The following TNRC18 variants were observed in gnomAD, a reference collection of about 807,000 sequenced individuals.
TNRC18 encodes trinucleotide repeat-containing gene 18 protein.
A neutral mutation model predicts 226.7 loss-of-function variants in TNRC18; 69 were observed. The observed-to-expected ratio is 0.30, with a 90% CI of 0.25 to 0.37. The LOEUF (loss-of-function observed/expected upper bound fraction) is 0.37. Among genes scored for constraint, TNRC18 ranks in the 10% least tolerant of loss-of-function variants. The probability of loss-of-function intolerance (pLI) is 1.00; values close to 1 mark genes in which losing one functional copy is unlikely to be tolerated. For synonymous variants in TNRC18, 2,449 were observed against 1,927.6 expected, an observed-to-expected ratio of 1.27 and a Z score of -7.09; for missense variants, 4,754 against 4,256.6, an observed-to-expected ratio of 1.12 and a Z score of -3.25.
chr7:5,374,324 C>A lies in TNRC18; in HGVS notation c.2960G>T (p.Gly987Val). ...TGATGGTGGCGGGCTCACGGCCTTG[C>A]CGTAGGTGCCCGCGGGGCCGGCGGC... ...GLAAGPAGTY[G>V]KAVSPPPSPR... The change falls in exon 10 of 30, where the codon GGC (glycine) becomes GTC (valine). Residue 987 changes from glycine (G) to valine (V), a missense_variant. Gly to Val is a moderately radical substitution (Grantham distance 109). Coordinates refer to ENST00000430969, the MANE Select transcript of TNRC18 (RefSeq NM_001080495.3). 7.0e-7 allele frequency: 1 copy of A among 1,426,596 alleles called. No individual in the cohort carries two copies. The highest frequency in any genetic ancestry group is 9.1e-7 in the Non-Finnish European group (1 of 1,098,008). The allele number at this position is 1,426,596 out of a possible 1,614,324, so 88.4% of individuals were successfully genotyped here. A position where few individuals can be genotyped will look rare whatever the true frequency, so the allele number is the denominator to read the frequency against.
intron 10 of TNRC18, among the ~76,000 whole-genome samples, chr7:5,373,576 C>T (rs1794357648): frequency 6.6e-6 from 1 of 152,206 alleles, no homozygotes; most frequent in Non-Finnish European, 1.5e-5. Flanking sequence ...GCTCACACAC[C>T]TGATACCCCC....
In TNRC18 at chr7:5,374,213, G is replaced by A. The variant is rs1353973729; in HGVS notation, c.3071C>T (p.Pro1024Leu). ...GGTGGGGTGGGAGCTGGGGGTGGCG[G>A]GGTAGGCGTAGGCGGGTGGCTTGGA... is the stretch of plus-strand genomic sequence containing the variant. ...DVSKPPAYAYPATPSSHPTSP... is the reference protein window; with the variant it reads ...DVSKPPAYAYLATPSSHPTSP... Residue 1024 changes from proline (P) to leucine (L), a missense_variant, in exon 10 of 30, where the codon CCC becomes CTC. Coordinates refer to ENST00000430969, the MANE Select transcript of TNRC18 (RefSeq NM_001080495.3). 1 of 1,486,272 alleles carries A rather than the reference G, an allele frequency of 6.7e-7. No individual in the cohort carries two copies. Among genetic ancestry groups the A allele is most frequent in the South Asian group, 1.4e-5 (1 of 73,872 alleles). 92.1% of individuals were successfully genotyped at this position (1,486,272 alleles called of 1,614,324 possible).
rs1425038223 is a variant in TNRC18, at chr7:5,402,858, A to C, written c.188-8263T>G. Reference sequence around the variant, plus strand: ...GACAGAGTGAGACTCTGTCTCAAAAAAAAAAATATATTTATGGTGTGGAAT... The same window carrying C: ...GACAGAGTGAGACTCTGTCTCAAAACAAAAAATATATTTATGGTGTGGAAT... On this transcript the variant is annotated intron_variant, in intron 2 of 29. Coordinates refer to ENST00000430969, the MANE Select transcript of TNRC18 (RefSeq NM_001080495.3). 3.6e-5 allele frequency among the ~76,000 whole-genome samples: 5 copies of C among 139,608 alleles called. No individual in the cohort carries two copies. In the East Asian group the frequency reaches 9.7e-4, roughly 27 times the overall value. The allele number at this position is 139,608 out of a possible 152,430, so 91.6% of individuals were successfully genotyped here. A position where few individuals can be genotyped will look rare whatever the true frequency, so the allele number is the denominator to read the frequency against.
intron 11 of TNRC18, 84 bp downstream of exon 11, chr7:5,370,291 C>A: frequency 1.4e-6 from 2 of 1,446,812 alleles, no homozygotes; most frequent in South Asian, 2.8e-5. Context: ...CCACTGCACT[C>A]CAGCCTGGGC....
intron 5 of TNRC18, among the ~76,000 whole-genome samples, chr7:5,386,650 T>C (rs561820538): frequency 6.6e-6 from 1 of 151,516 alleles, no homozygotes; most frequent in Non-Finnish European, 1.5e-5. Flanking sequence ...CTTGGGAGGC[T>C]AAGGTTGGAG....
chr7:5,408,408 G>A (rs1781623206), intron 2 of TNRC18, among the ~76,000 whole-genome samples: 1 of 152,032 alleles, frequency 6.6e-6, no homozygotes, highest in East Asian at 1.9e-4. Flanking sequence ...AGCACTTAGG[G>A]AGCCCACGGC....
chr7:5,372,229 G>C (rs538658265), intron 10 of TNRC18, among the ~76,000 whole-genome samples: 4 of 150,896 alleles, frequency 2.7e-5, no homozygotes, highest in African/African-American at 9.9e-5. Context: ...CACCATGCCT[G>C]GCTAATTTTT....
At chr7:5,333,811 C>A (rs933974079) in intron 18 of TNRC18, among the ~76,000 whole-genome samples, 5 of 152,208 alleles carry the variant, frequency 3.3e-5, no homozygotes, top group African/African-American at 1.2e-4. Flanking sequence ...ACCCACCCCA[C>A]AACCCGGGAA....
rs530676688 is a variant in TNRC18, at chr7:5,401,499, T to C, written c.188-6904A>G. Among the ~76,000 whole-genome samples the C allele has an allele frequency of 3.9e-5, 6 of 152,280 alleles. No homozygotes were observed. In the East Asian group the frequency reaches 9.6e-4, roughly 24 times the overall value. ...ATTGCAACTTACCCTGCCACGCCCT[T>C]TCCTGAAATGTTTTTCTCCACTGCT... On this transcript the variant is annotated intron_variant, in intron 2 of 29. Transcript: ENST00000430969.
At position 5,389,287 on chromosome 7, in the gene TNRC18, G is replaced by A. The variant is rs1234925496; in HGVS notation, c.537C>T (p.His179=). 7.7e-7 allele frequency: 1 copy of A among 1,290,736 alleles called. No individual in the cohort carries two copies. The highest frequency in any genetic ancestry group is 4.0e-5 in the Admixed American group (1 of 25,010). 80.0% of individuals were successfully genotyped at this position (1,290,736 alleles called of 1,614,324 possible). The change falls in exon 5 of 30, where the codon CAC becomes CAT. Residue 179 remains histidine, a synonymous_variant. Coordinates refer to ENST00000430969, the MANE Select transcript of TNRC18 (RefSeq NM_001080495.3). ...TAGAPGSLHS[H]APSARTPGGG... is the part of the protein sequence containing the mutation. ...CGCCAGGGGTCCGGGCCGAGGGCGC[G>A]TGAGAGTGCAGGGAGCCCGGAGCCC... is the stretch of plus-strand genomic sequence containing the variant.
At chr7:5,373,789 G>A (rs1279372728) in intron 10 of TNRC18, among the ~76,000 whole-genome samples, 1 of 152,122 alleles carries the variant, frequency 6.6e-6, no homozygotes, top group Non-Finnish European at 1.5e-5. Flanking sequence ...TGGCTCGGTG[G>A]AAAACTCAGA....
intron 11 of TNRC18, among the ~76,000 whole-genome samples, chr7:5,368,686 A>G (rs1793872560): frequency 6.6e-6 from 1 of 151,604 alleles, no homozygotes; most frequent in South Asian, 2.1e-4. Flanking sequence ...AAAAAAAAAA[A>G]AATTTAAGTG....
At chr7:5,419,366 C>T (rs1426894985) in intron 2 of TNRC18, among the ~76,000 whole-genome samples, 1 of 152,218 alleles carries the variant, frequency 6.6e-6, no homozygotes, top group Non-Finnish European at 1.5e-5. Context: ...AGCGCAGGCC[C>T]AGCCAGCCAG....
At position 5,389,245 on chromosome 7, in the gene TNRC18, GC is replaced by G; in HGVS notation, c.578del (p.Gly193AlafsTer49). The part of the protein sequence containing the change: ...ARTPGGGHSS[G>X]APAKGSSSRD... ...GCGACGACGAGCCTTTGGCCGGGGC[GC>G]CCGAGGAGTGGCCGCCGCCAGGGGT... On this transcript the variant is annotated frameshift_variant, in exon 5 of 30. Transcript: ENST00000430969. LOFTEE classifies it high-confidence loss of function. 7.6e-7 allele frequency: 1 copy of G among 1,321,460 alleles called. No individual in the cohort carries two copies. Among genetic ancestry groups the G allele is most frequent in the Non-Finnish European group, 9.6e-7 (1 of 1,037,146 alleles). 81.9% of individuals were successfully genotyped at this position (1,321,460 alleles called of 1,614,324 possible).
At position 5,377,312 on chromosome 7, in the gene TNRC18, A is replaced by G. The variant is rs537191877; in HGVS notation, c.2461+59T>C. On this transcript the variant is annotated intron_variant, in intron 7 of 29. Coordinates refer to ENST00000430969, the MANE Select transcript of TNRC18 (RefSeq NM_001080495.3). This position sits in a 1 kb window ranked among gnomAD's most constrained non-coding sequence, Gnocchi z 5.8. Reference sequence around the variant, plus strand: ...AGCCAGCCCTGAGCTCTTGTCCTGCACCCGCCCCCTCCCACCCCTCCCTCA... The same window carrying G: ...AGCCAGCCCTGAGCTCTTGTCCTGCGCCCGCCCCCTCCCACCCCTCCCTCA... 13 of 1,295,736 alleles carry G rather than the reference A, an allele frequency of 1.0e-5. No individual in the cohort carries two copies. The East Asian group carries it at 3.1e-4, about 31-fold the overall frequency. 80.3% of individuals were successfully genotyped at this position (1,295,736 alleles called of 1,614,324 possible).
At chr7:5,345,525 C>CCCCCCCCCCCCCCCCCCCCCCCCAG in intron 18 of TNRC18, 37 bp downstream of exon 18, 1 of 217,344 alleles carries the variant, frequency 4.6e-6, no homozygotes, top group Non-Finnish European at 9.4e-6. Flanking sequence ...CCGCCCCTCC[C>CCCCCCCCCCCCCCCCCCCCCCCCAG]ACCCACCCCC....
intron 5 of TNRC18, 58 bp downstream of exon 5, chr7:5,387,614 G>A (rs1472057730): frequency 1.3e-6 from 2 of 1,590,676 alleles, no homozygotes; most frequent in South Asian, 1.1e-5. Flanking sequence ...TGTAATGTAC[G>A]GGAAACGGCA....
At chr7:5,348,301 C>G (rs1437398447) in intron 17 of TNRC18, among the ~76,000 whole-genome samples, 2 of 152,182 alleles carry the variant, frequency 1.3e-5, no homozygotes, top group African/African-American at 4.8e-5. Context: ...GCCTCACGGA[C>G]CAGAGTGCTG....
chr7:5,415,663 G>A (rs553577722), intron 2 of TNRC18, among the ~76,000 whole-genome samples: 18 of 151,438 alleles, frequency 1.2e-4, no homozygotes, highest in Admixed American at 8.6e-4. Context: ...TCACAGGCGT[G>A]AGCCACCGTG....
Sources: allele counts gnomAD v4.1 joint callset (sites outside exome capture counted in the v4.1 genomes callset), GRCh38; gene constraint gnomAD v4.1.1; non-coding constraint Gnocchi (gnomAD v3.1); transcripts MANE v1.5; gene names NCBI Gene and HGNC (gene_info 2026-07-23, HGNC 2026-07-21).